Variants in MAP3K11 observed in about 807,000 individuals in gnomAD.
The protein encoded by MAP3K11 is SH3 domain-containing proline-rich kinase.
A neutral mutation model predicts 84.9 loss-of-function variants in MAP3K11; 46 were observed. That is an observed-to-expected ratio of 0.54 (90% CI 0.43 to 0.69). The LOEUF (loss-of-function observed/expected upper bound fraction) is 0.69, where lower values mean the gene tolerates loss of function less well. MAP3K11 is among the 30% of genes least tolerant of loss of function. MAP3K11 has a pLI of 0.00. For synonymous variants in MAP3K11, 527 were observed against 514.7 expected, an observed-to-expected ratio of 1.02 and a Z score of -0.32; for missense variants, 1,053 against 1,198.3, an observed-to-expected ratio of 0.88 and a Z score of 1.79.
chr11:65,605,873 A>C (rs1565143902), intron 7 of MAP3K11, 21 bp from the exon 8 acceptor site: 1 of 1,612,706 alleles, frequency 6.2e-7, no homozygotes. Context: ...GAGGGCAAGG[A>C]GGGGTGCTTT....
At chr11:65,608,110 C>T in intron 2 of MAP3K11, 40 bp from the exon 3 acceptor site, 1 of 1,605,002 alleles carries the variant, frequency 6.2e-7, no homozygotes, top group Non-Finnish European at 8.5e-7. Context: ...CTTTTCTCTC[C>T]CAACCCCCAC....
chr11:65,610,160 C>T (rs1465187418), intron 1 of MAP3K11: 2 of 152,502 alleles, frequency 1.3e-5, no homozygotes, highest in Non-Finnish European at 2.9e-5. Context: ...CAAATTGGTT[C>T]AGCAGCTCTA....
intron 8 of MAP3K11, among the ~76,000 whole-genome samples, chr11:65,604,587 T>G (rs952003384): frequency 3.9e-5 from 6 of 152,240 alleles, no homozygotes; most frequent in Non-Finnish European, 8.8e-5. Context: ...TCTCTGTGCC[T>G]CAGTTTTCTC....
At chr11:65,607,877 G>C (rs1420524094) in intron 3 of MAP3K11, 45 bp downstream of exon 3, 1 of 1,608,832 alleles carries the variant, frequency 6.2e-7, no homozygotes, top group Non-Finnish European at 8.5e-7. Flanking sequence ...GATGTGTCCT[G>C]GGCCAGGGAG....
chr11:65,609,205 C>G (rs1465848127), intron 1 of MAP3K11: 1 of 152,114 alleles, frequency 6.6e-6, no homozygotes, highest in East Asian at 1.9e-4. Context: ...GAGCGTGAAT[C>G]AGAACCCCCC....
intron 5 of MAP3K11, 122 bp downstream of exon 5, chr11:65,607,148 C>T: frequency 7.7e-7 from 1 of 1,297,840 alleles, no homozygotes; most frequent in Non-Finnish European, 1.0e-6. Context: ...CCCTCCCAGC[C>T]TTCATCTCAC....
chr11:65,600,257 A>G (rs188999003), intron 8 of MAP3K11, among the ~76,000 whole-genome samples: 240 of 152,250 alleles, frequency 1.6e-3, no homozygotes, highest in Non-Finnish European at 2.8e-3. Flanking sequence ...TCTAAGGTAC[A>G]TGGCAGCCCT....
Position 65,599,353 on chromosome 11 carries a change from C to T in MAP3K11, c.2206+41G>A, listed in dbSNP as rs184191950. ...CCACTCCTCCCTCCCTGGGAACCCC[C>T]GTCTCCCATATGTGAAGCAGGCCGG... On this transcript the variant is annotated intron_variant, in intron 9 of 9. Transcript: ENST00000309100. 2,000 of 1,511,472 alleles carry T rather than the reference C, an allele frequency of 1.3e-3. 26 individuals carry two copies. In the East Asian group the frequency reaches 0.038, roughly 29 times the overall value. 93.6% of individuals were successfully genotyped at this position (1,511,472 alleles called of 1,614,324 possible).
At chr11:65,612,788 C>CT (rs1166497275) in intron 1 of MAP3K11, 1 of 420,204 alleles carries the variant, frequency 2.4e-6, no homozygotes, top group Non-Finnish European at 4.1e-6. Flanking sequence ...GTCCAAACCG[C>CT]AGCTGCAGGC....
Position 65,613,920 on chromosome 11 carries a change from G to C in MAP3K11, c.-164C>G. 1 of 837,108 alleles carries C rather than the reference G, an allele frequency of 1.2e-6. No homozygotes were observed. Among genetic ancestry groups the C allele is most frequent in the Non-Finnish European group, 1.8e-6 (1 of 562,922 alleles). The allele number at this position is 837,108 out of a possible 1,614,324, so 51.9% of individuals were successfully genotyped here. ...GGGGAGCCAGGAGTGTTGTCTCCCG[G>C]CCCCCCGCATCTCGGGCTTCTGGAG... On this transcript the variant is annotated 5_prime_UTR_variant, in exon 1 of 10. Transcript: ENST00000309100.
intron 9 of MAP3K11, among the ~76,000 whole-genome samples, chr11:65,599,001 G>A (rs939606624): frequency 1.3e-5 from 2 of 152,188 alleles, no homozygotes; most frequent in Admixed American, 6.5e-5. Flanking sequence ...GCACAAGTAA[G>A]GAGCCAGGAG....
rs750004196 is a variant in MAP3K11 at position 65,613,136 on chromosome 11, C to T, written c.621G>A (p.Gly207=). The change falls in exon 1 of 10, where the codon GGG becomes GGA. Residue 207 remains glycine, a synonymous_variant. Transcript: ENST00000309100. ...CCAGCACATGGGGAGGCACGCGCCG[C>T]CCGGCCAGAGCTCGGCTGAGGGGCC... The part of the protein sequence containing the change: ...AGGPLSRALA[G]RRVPPHVLVN... The T allele has an allele frequency of 4.4e-6, 7 of 1,590,014 alleles. No homozygotes were observed. Among genetic ancestry groups the T allele is most frequent in the Non-Finnish European group, 6.0e-6 (7 of 1,167,820 alleles).
chr11:65,607,227 C>G, intron 5 of MAP3K11, 43 bp downstream of exon 5: 1 of 1,446,712 alleles, frequency 6.9e-7, no homozygotes, highest in Non-Finnish European at 9.0e-7. Context: ...CACCCCCACC[C>G]CCGCAGCCAA....
chr11:65,598,147 G>T lies in MAP3K11; in HGVS notation c.*144C>A. 1.8e-6 allele frequency: 1 copy of T among 570,314 alleles called. No homozygotes were observed. Among genetic ancestry groups the T allele is most frequent in the Non-Finnish European group, 2.8e-6 (1 of 360,876 alleles). The allele number at this position is 570,314 out of a possible 1,614,324, so 35.3% of individuals were successfully genotyped here. ...CCCTTCCAGTGTGAAGGCTTCCTGT[G>T]CAGTGTAGTGTTCCTGACCCCCAAA... On this transcript the variant is annotated 3_prime_UTR_variant, in exon 10 of 10. Transcript: ENST00000309100.
At chr11:65,607,857 T>G (rs1854530483) in intron 3 of MAP3K11, 41 bp from the exon 4 acceptor site, 1 of 1,605,708 alleles carries the variant, frequency 6.2e-7, no homozygotes, top group Admixed American at 1.7e-5. Context: ...TAAGAAGGGG[T>G]CCGTGGGTGG....
At chr11:65,607,188 C>T in intron 5 of MAP3K11, 82 bp downstream of exon 5, 1 of 1,394,994 alleles carries the variant, frequency 7.2e-7, no homozygotes. Context: ...TAAACCAATC[C>T]CAGCGCGGTG....
At chr11:65,602,852 C>T (rs1286622880) in intron 8 of MAP3K11, among the ~76,000 whole-genome samples, 1 of 151,478 alleles carries the variant, frequency 6.6e-6, no homozygotes, top group Admixed American at 6.6e-5. Flanking sequence ...TGGTGGCTCA[C>T]ACCTGTAATG....
Position 65,613,979 on chromosome 11 carries a change from G to C in MAP3K11, c.-223C>G, listed in dbSNP as rs991123880. On this transcript the variant is annotated 5_prime_UTR_variant, in exon 1 of 10. Coordinates refer to ENST00000309100, the MANE Select transcript of MAP3K11 (RefSeq NM_002419.4). ...CCAGGGCAGTGTGGTCAGGCCGGGG[G>C]GGTGGGGCCCCGGGGCCTCCGGCGC... The C allele has an allele frequency of 1.7e-6, 1 of 583,114 alleles. No individual in the cohort carries two copies. The highest frequency in any genetic ancestry group is 2.9e-6 in the Non-Finnish European group (1 of 346,700). The allele number at this position is 583,114 out of a possible 1,614,324, so 36.1% of individuals were successfully genotyped here. A position where few individuals can be genotyped will look rare whatever the true frequency, so the allele number is the denominator to read the frequency against.
At position 65,606,797 on chromosome 11, in the gene MAP3K11, C is replaced by T; in HGVS notation, c.1497G>A (p.Lys499=). The T allele has an allele frequency of 6.2e-7, 1 of 1,602,766 alleles. No homozygotes were observed. The highest frequency in any genetic ancestry group is 8.5e-7 in the Non-Finnish European group (1 of 1,174,022). The change falls in exon 6 of 10, where the codon AAG becomes AAA. Residue 499 remains lysine (K), a synonymous_variant. Coordinates refer to ENST00000309100, the MANE Select transcript of MAP3K11 (RefSeq NM_002419.4). ...GERISMPLDF[K]HRITVQASPG... Reference sequence around the variant, plus strand: ...GTGAGGCCTGCACGGTGATGCGGTGCTTGAAGTCTGGGATTTGGGTTGGGG... The same window carrying T: ...GTGAGGCCTGCACGGTGATGCGGTGTTTGAAGTCTGGGATTTGGGTTGGGG...
Sources: gnomAD v4.1 joint callset for allele counts (sites outside exome capture counted in the v4.1 genomes callset) on GRCh38, gnomAD v4.1.1 for gene constraint, MANE v1.5 for transcripts, NCBI Gene and HGNC (gene_info 2026-07-23, HGNC 2026-07-21) for gene names.